The following DLG1 variants were observed in gnomAD, a reference collection of about 807,000 sequenced individuals.
The protein encoded by DLG1 is discs large MAGUK scaffold protein 1.
In DLG1, 42 loss-of-function variants were observed where a neutral mutation model predicts 123.4. The ratio of observed to expected loss-of-function variants is 0.34; its 90% CI spans 0.27 to 0.44. The LOEUF (loss-of-function observed/expected upper bound fraction) is 0.44. Among genes scored for constraint, DLG1 ranks in the 20% least tolerant of loss-of-function variants. DLG1 has a pLI of 1.00. For synonymous variants in DLG1, 317 were observed against 356.2 expected, an observed-to-expected ratio of 0.89 and a Z score of 1.24; for missense variants, 942 against 1,082.6, an observed-to-expected ratio of 0.87 and a Z score of 1.82.
At chr3:197,169,451 T>C (rs537273130) in intron 5 of DLG1, among the ~76,000 whole-genome samples, 2 of 152,304 alleles carry the variant, frequency 1.3e-5, no homozygotes, top group Middle Eastern at 6.8e-3. Flanking sequence ...AGTTGGTATA[T>C]CTTGGTGACT....
At position 197,091,044 on chromosome 3, in the gene DLG1, G is replaced by A. The variant is rs1000780157; in HGVS notation, c.1547-18C>T. 1.2e-5 allele frequency: 18 copies of A among 1,478,122 alleles called. No homozygotes were observed. The highest frequency in any genetic ancestry group is 1.6e-5 in the Non-Finnish European group (17 of 1,058,728). The allele number at this position is 1,478,122 out of a possible 1,614,324, so 91.6% of individuals were successfully genotyped here. On this transcript the variant is annotated intron_variant, in intron 14 of 24. Coordinates refer to ENST00000667157, the MANE Select transcript of DLG1 (RefSeq NM_001366207.1). The stretch of plus-strand genomic sequence containing the variant: ...ACTGTATTCTGATGGAAGAAAAAGA[G>A]AAATAAATTGATATATTTTCAAAAA...
At chr3:197,239,443 A>G (rs1171428046) in intron 4 of DLG1, among the ~76,000 whole-genome samples, 2 of 152,204 alleles carry the variant, frequency 1.3e-5, no homozygotes, top group Non-Finnish European at 2.9e-5. Context: ...CCAAAAAATT[A>G]AGGAGGAGGG....
Position 197,130,485 on chromosome 3 carries a change from GAAGT to G in DLG1, c.1165+38_1165+41del, listed in dbSNP as rs772510285. ...TTTCACTAATGGCATCACAACTGAA[GAAGT>G]AAGATAAATTTAAGCAAACGTATGC... On this transcript the variant is annotated intron_variant, in intron 11 of 24. Transcript: ENST00000667157. 4.0e-6 allele frequency: 6 copies of G among 1,502,978 alleles called. No individual in the cohort carries two copies. In the South Asian group the frequency reaches 5.5e-5, roughly 14 times the overall value. 93.1% of individuals were successfully genotyped at this position (1,502,978 alleles called of 1,614,324 possible).
At chr3:197,188,502 T>C (rs1717410761) in intron 5 of DLG1, among the ~76,000 whole-genome samples, 1 of 152,236 alleles carries the variant, frequency 6.6e-6, no homozygotes, top group Non-Finnish European at 1.5e-5. Context: ...AGCAGTTGAT[T>C]TTTAAAGCAT....
chr3:197,236,053 C>T (rs896419099), intron 4 of DLG1, among the ~76,000 whole-genome samples: 1 of 152,104 alleles, frequency 6.6e-6, no homozygotes, highest in Non-Finnish European at 1.5e-5. Flanking sequence ...GTGGCTCATG[C>T]CTGTAATCCC....
At chr3:197,295,401 GGA>G (rs926566001) in intron 3 of DLG1, among the ~76,000 whole-genome samples, 2 of 151,956 alleles carry the variant, frequency 1.3e-5, no homozygotes, top group African/African-American at 4.8e-5. Flanking sequence ...ATATCTGACT[GGA>G]AGTTACTGAA....
At chr3:197,094,942 T>C (rs1235225909) in intron 14 of DLG1, among the ~76,000 whole-genome samples, 2 of 152,322 alleles carry the variant, frequency 1.3e-5, no homozygotes, top group East Asian at 3.9e-4. Flanking sequence ...CATTTTATTA[T>C]GGCATTTTGA....
intron 18 of DLG1, among the ~76,000 whole-genome samples, chr3:197,072,894 G>T (rs2148966829): frequency 6.6e-6 from 1 of 152,156 alleles, no homozygotes; most frequent in South Asian, 2.1e-4. Flanking sequence ...ACGGGGTTTT[G>T]CCATGTTGGC....
intron 4 of DLG1, among the ~76,000 whole-genome samples, chr3:197,252,935 C>T (rs1285417756): frequency 6.6e-6 from 1 of 151,660 alleles, no homozygotes; most frequent in African/African-American, 2.4e-5. Context: ...GTATATTTTA[C>T]CACAATAAAA....
chr3:197,259,667 AAAG>A (rs1313611578), intron 4 of DLG1, among the ~76,000 whole-genome samples: 1 of 152,164 alleles, frequency 6.6e-6, no homozygotes, highest in Non-Finnish European at 1.5e-5. Flanking sequence ...CTCAAAAATA[AAAG>A]AAGCCAAACT....
Position 197,140,195 on chromosome 3 carries a change from T to C in DLG1, c.658A>G (p.Ile220Val), listed in dbSNP as rs1787281701. ...DNPHIGDDSSIFITKIITGGA... is the reference protein window; with the variant it reads ...DNPHIGDDSSVFITKIITGGA... The stretch of plus-strand genomic sequence containing the variant: ...CCTGTGATAATTTTGGTAATGAAAA[T>C]ACTTGAGTCATCTCCAATGTGTGGG... The change falls in exon 8 of 25, where the codon ATT (isoleucine) becomes GTT (valine). Residue 220 changes from isoleucine (I) to valine (V), a missense_variant. Transcript: ENST00000667157. The C allele has an allele frequency of 2.5e-6, 4 of 1,613,426 alleles. No individual in the cohort carries two copies. Among genetic ancestry groups the C allele is most frequent in the Non-Finnish European group, 8.5e-7 (1 of 1,179,692 alleles).
intron 23 of DLG1, among the ~76,000 whole-genome samples, chr3:197,056,183 A>C (rs145531855): frequency 6.6e-6 from 1 of 152,318 alleles, no homozygotes; most frequent in East Asian, 1.9e-4. Flanking sequence ...CATCAGACAG[A>C]TTCTGCCAGT....
intron 5 of DLG1, among the ~76,000 whole-genome samples, chr3:197,181,166 G>T (rs964958326): frequency 6.6e-6 from 1 of 151,920 alleles, no homozygotes; most frequent in South Asian, 2.1e-4. Flanking sequence ...TATTTGGGGG[G>T]ATATTAAATC....
intron 4 of DLG1, among the ~76,000 whole-genome samples, chr3:197,241,965 C>T (rs1749117802): frequency 6.6e-6 from 1 of 152,042 alleles, no homozygotes; most frequent in African/African-American, 2.4e-5. Flanking sequence ...CTTTACTTAT[C>T]AATAATACTA....
Position 197,296,341 on chromosome 3 carries a change from C to T in DLG1, c.151+5G>A. On this transcript the variant is annotated splice_donor_5th_base_variant and intron_variant, in intron 3 of 24. Transcript: ENST00000667157. ...GCATAATAGTTACGAAGTTTTAATT[C>T]CCACCTATTAAAGCCTGAAAGAGGT... The T allele has an allele frequency of 1.2e-6, 2 of 1,611,830 alleles. No homozygotes were observed. The highest frequency in any genetic ancestry group is 1.7e-6 in the Non-Finnish European group (2 of 1,178,422).
chr3:197,273,218 GTGTATA>G (rs1324344345), intron 4 of DLG1, among the ~76,000 whole-genome samples: 7 of 150,484 alleles, frequency 4.7e-5, no homozygotes, highest in Admixed American at 1.3e-4. Flanking sequence ...GTGTATGTGT[GTGTATA>G]TATATATATT....
At chr3:197,141,351 G>T (rs749486770) in intron 7 of DLG1, among the ~76,000 whole-genome samples, 1 of 152,044 alleles carries the variant, frequency 6.6e-6, no homozygotes, top group African/African-American at 2.4e-5. Context: ...AATTTAAAAG[G>T]CCCTGGGAAA....
chr3:197,245,376 A>C (rs1376232049), intron 4 of DLG1, among the ~76,000 whole-genome samples: 3 of 152,172 alleles, frequency 2.0e-5, no homozygotes, highest in African/African-American at 7.2e-5. Context: ...ACCAGTAGAT[A>C]CTTTAGGCGG....
intron 5 of DLG1, among the ~76,000 whole-genome samples, chr3:197,193,401 T>A (rs1720696931): frequency 6.6e-6 from 1 of 152,222 alleles, no homozygotes; most frequent in Admixed American, 6.5e-5. Context: ...AACTGTTAGA[T>A]GTTCCTGCTG....
Sources: allele counts gnomAD v4.1 joint callset (sites outside exome capture counted in the v4.1 genomes callset), GRCh38; gene constraint gnomAD v4.1.1; transcripts MANE v1.5; gene names NCBI Gene and HGNC (gene_info 2026-07-23, HGNC 2026-07-21).